Variants in SFI1 observed in about 807,000 individuals in gnomAD.
The protein encoded by SFI1 is SFI1 centrin binding protein, also known as protein SFI1 homolog.
A neutral mutation model predicts 207.5 loss-of-function variants in SFI1; 195 were observed. The ratio of observed to expected loss-of-function variants is 0.94; its 90% CI spans 0.84 to 1.06. SFI1 has a LOEUF of 1.06. Ranked by LOEUF, SFI1 falls within the 50% of genes least tolerant of loss-of-function variation. The pLI, the probability that SFI1 is intolerant of heterozygous loss-of-function variation, is 0.00. For missense variants in SFI1, 1,634 were observed against 1,588.0 expected (o/e 1.03, Z -0.49); for synonymous variants, 630 against 598.9 (o/e 1.05, Z -0.76).
At chr22:31,521,994 G>T (rs2057328194) in intron 2 of SFI1, among the ~76,000 whole-genome samples, 1 of 150,114 alleles carries the variant, frequency 6.7e-6, no homozygotes, top group Admixed American at 6.7e-5. Context: ...TGACCTCCTG[G>T]CCTCGAGGGA....
rs751607172 is a variant in SFI1 at position 31,604,334 on chromosome 22, G to A, written c.1907G>A (p.Arg636Gln). Reference protein sequence around the residue: ...RECLALRGAERQKLMRADLHH... With the variant: ...RECLALRGAEQQKLMRADLHH... ...TGCCTGGCCCTGCGGGGAGCGGAGC[G>A]GCAGAAGCTGATGCGAGCAGACCTG... The change falls in exon 19 of 33, where the codon CGG (arginine) becomes CAG (glutamine). Residue 636 changes from arginine (R) to glutamine (Q), a missense_variant. Arg to Gln is a conservative substitution (Grantham distance 43). Transcript: ENST00000400288. The A allele has an allele frequency of 4.1e-5, 64 of 1,579,792 alleles. No homozygotes were observed. In the Middle Eastern group the frequency reaches 1.0e-3, roughly 25 times the overall value.
intron 10 of SFI1, among the ~76,000 whole-genome samples, chr22:31,577,790 C>T (rs1480957202): frequency 2.0e-5 from 3 of 152,064 alleles, no homozygotes; most frequent in South Asian, 2.1e-4. Context: ...TCTGGATTAG[C>T]GGAGAGAGGC....
intron 1 of SFI1, among the ~76,000 whole-genome samples, chr22:31,503,169 T>G (rs570215856): frequency 1.3e-5 from 2 of 152,188 alleles, no homozygotes; most frequent in South Asian, 4.1e-4. Flanking sequence ...ACAAGTCTGC[T>G]TTTTCATTGA....
rs199950171 is a variant in SFI1, at chr22:31,602,277, G to T, written c.1610G>T (p.Arg537Leu). The change falls in exon 16 of 33, where the codon CGC becomes CTC. Residue 537 changes from arginine (R) to leucine (L), a missense_variant. Physicochemically the swap from Arg to Leu is moderately radical, Grantham distance 102 (BLOSUM62 -2). Coordinates refer to ENST00000400288, the MANE Select transcript of SFI1 (RefSeq NM_001007467.3). ...AAGATGTTTCAGCATCGAGAAAACC[G>T]CCTGGCAGAGAGAATGGTAAATGGC... The part of the protein sequence containing the change: ...RQKMFQHREN[R>L]LAERMAILHA... 1.2e-6 allele frequency: 2 copies of T among 1,613,888 alleles called. No homozygotes were observed. Among genetic ancestry groups the T allele is most frequent in the Non-Finnish European group, 1.7e-6 (2 of 1,179,896 alleles).
At chr22:31,536,616 T>C (rs1185865084) in intron 4 of SFI1, among the ~76,000 whole-genome samples, 1 of 152,224 alleles carries the variant, frequency 6.6e-6, no homozygotes, top group Non-Finnish European at 1.5e-5. Flanking sequence ...TTTCACCCTG[T>C]TGGCCAGAGT....
chr22:31,612,253 G>A (rs549807468), intron 24 of SFI1: 92 of 190,218 alleles, frequency 4.8e-4, no homozygotes, highest in African/African-American at 1.7e-3. Context: ...GGTGGTGGGC[G>A]CCTGTAGTCC....
chr22:31,508,473 G>A (rs2049127651), intron 2 of SFI1, 97 bp downstream of exon 2: 1 of 852,452 alleles, frequency 1.2e-6, no homozygotes, highest in South Asian at 1.7e-5. Flanking sequence ...TATGAGTGAG[G>A]TAGTAACTGT....
At chr22:31,585,501 C>G (rs2064911928) in intron 14 of SFI1, among the ~76,000 whole-genome samples, 1 of 152,200 alleles carries the variant, frequency 6.6e-6, no homozygotes, top group South Asian at 2.1e-4. Context: ...CAGTGCTAAA[C>G]AGTGTGAGAC....
At chr22:31,513,561 C>CGTGTT (rs2055958012) in intron 2 of SFI1, among the ~76,000 whole-genome samples, 1 of 146,008 alleles carries the variant, frequency 6.8e-6, no homozygotes, top group Non-Finnish European at 1.5e-5. Context: ...TTTGGTTTTT[C>CGTGTT]GTTTTGTTTT....
chr22:31,614,763 G>A (rs761472863), intron 27 of SFI1, 26 bp from the exon 28 acceptor site: 1 of 1,613,000 alleles, frequency 6.2e-7, no homozygotes, highest in South Asian at 1.1e-5. Context: ...TCAGCCCAGG[G>A]GAACAGACCC....
At chr22:31,571,564 C>G (rs1397012177) in intron 8 of SFI1, among the ~76,000 whole-genome samples, 1 of 151,990 alleles carries the variant, frequency 6.6e-6, no homozygotes, top group Non-Finnish European at 1.5e-5. Context: ...ATCCTCCTGC[C>G]TTGGGCTCCC....
Position 31,614,830 on chromosome 22 carries a change from A to G in SFI1, c.3038A>G (p.His1013Arg), listed in dbSNP as rs747587938. ...HSARKQPRRP[H>R]FLLEPAQSQR... ...GCGAGGAAGCAGCCGCGACGCCCACACTTCCTGTTGGAGCCTGCGCAGAGC... is the reference window on the plus strand; with the variant it reads ...GCGAGGAAGCAGCCGCGACGCCCACGCTTCCTGTTGGAGCCTGCGCAGAGC... Residue 1013 changes from histidine (H) to arginine (R), a missense_variant, in exon 28 of 33, where the codon CAC becomes CGC. Transcript: ENST00000400288. 5.0e-6 allele frequency: 8 copies of G among 1,613,762 alleles called. No homozygotes were observed. In the Admixed American group the frequency reaches 1.0e-4, roughly 20 times the overall value.
intron 27 of SFI1, chr22:31,614,412 G>T: frequency 2.5e-6 from 1 of 405,946 alleles, no homozygotes; most frequent in Non-Finnish European, 4.8e-6. Flanking sequence ...CGGGGGAGAT[G>T]TCAGGTGGGT....
At chr22:31,587,057 A>G (rs1236317569) in intron 14 of SFI1, among the ~76,000 whole-genome samples, 3 of 152,212 alleles carry the variant, frequency 2.0e-5, no homozygotes, top group Non-Finnish European at 2.9e-5. Flanking sequence ...AGCCCTCTGT[A>G]TCTGTGGGTT....
intron 1 of SFI1, among the ~76,000 whole-genome samples, chr22:31,507,689 A>G (rs969681464): frequency 3.3e-5 from 5 of 152,156 alleles, no homozygotes; most frequent in African/African-American, 1.2e-4. Context: ...GGCAAACAAC[A>G]TGAACAGACA....
chr22:31,580,955 CTG>C (rs767450527), intron 12 of SFI1, among the ~76,000 whole-genome samples: 40 of 152,242 alleles, frequency 2.6e-4, no homozygotes, highest in South Asian at 8.3e-4. Context: ...AGTTCAGGGA[CTG>C]TGGATTTTAA....
At chr22:31,574,924 T>C (rs1294031906) in intron 9 of SFI1, among the ~76,000 whole-genome samples, 1 of 151,842 alleles carries the variant, frequency 6.6e-6, no homozygotes, top group African/African-American at 2.4e-5. Flanking sequence ...CCAGGGGTGG[T>C]GGCACATGCC....
chr22:31,614,791 A>G lies in SFI1; in HGVS notation c.2999A>G (p.Asn1000Ser). 3.1e-6 allele frequency: 5 copies of G among 1,613,746 alleles called. No individual in the cohort carries two copies. Among genetic ancestry groups the G allele is most frequent in the Non-Finnish European group, 4.2e-6 (5 of 1,179,998 alleles). ...ACAGACCCCATGTTTCTTTCCAGCAACACTGCCCACTCAGCGAGGAAGCAG... is the reference window on the plus strand; with the variant it reads ...ACAGACCCCATGTTTCTTTCCAGCAGCACTGCCCACTCAGCGAGGAAGCAG... ...AAEEPHALEL[N>S]TAHSARKQPR... Residue 1000 changes from asparagine (N) to serine (S), a missense_variant and splice_region_variant, in exon 28 of 33, where the codon AAC becomes AGC. By Grantham distance (46) the Asn-to-Ser change is conservative (BLOSUM62 1). Coordinates refer to ENST00000400288, the MANE Select transcript of SFI1 (RefSeq NM_001007467.3).
At chr22:31,591,816 G>A (rs1316404176) in intron 15 of SFI1, among the ~76,000 whole-genome samples, 1 of 86,632 alleles carries the variant, frequency 1.2e-5, no homozygotes, top group Admixed American at 1.0e-4. Context: ...GCGGCTGGCC[G>A]GGCAGAGGGG....
Sources: allele counts gnomAD v4.1 joint callset (sites outside exome capture counted in the v4.1 genomes callset), GRCh38; gene constraint gnomAD v4.1.1; transcripts MANE v1.5; gene names NCBI Gene and HGNC (gene_info 2026-07-23, HGNC 2026-07-21).